CDH13: variants seen among roughly 807,000 people sequenced by gnomAD.
CDH13 encodes cadherin-13.
Under a neutral mutation model 63.8 loss-of-function variants are expected in CDH13, and 24 were observed. The ratio of observed to expected loss-of-function variants is 0.38; its 90% CI spans 0.27 to 0.53. The LOEUF (loss-of-function observed/expected upper bound fraction) is 0.53, where lower values mean the gene tolerates loss of function less well. Among genes scored for constraint, CDH13 ranks in the 20% least tolerant of loss-of-function variants. The pLI, the probability that CDH13 is intolerant of heterozygous loss-of-function variation, is 0.85. For missense variants in CDH13, 1,049 were observed against 903.1 expected (o/e 1.16, Z -2.07); for synonymous variants, 503 against 355.3 (o/e 1.42, Z -4.67).
At chr16:83,151,941 A>G (rs1241724135) in intron 4 of CDH13, among the ~76,000 whole-genome samples, 2 of 147,882 alleles carry the variant, frequency 1.4e-5, no homozygotes, top group African/African-American at 2.5e-5. Context: ...CAGCCTGGGC[A>G]ACAAAAAAAA....
At chr16:83,681,467 G>A (rs935876315) in intron 10 of CDH13, among the ~76,000 whole-genome samples, 1 of 152,110 alleles carries the variant, frequency 6.6e-6, no homozygotes, top group Non-Finnish European at 1.5e-5. Context: ...TCACTCCTCA[G>A]GCATATTCCT....
At chr16:82,876,324 T>C (rs573404062) in intron 2 of CDH13, among the ~76,000 whole-genome samples, 1 of 152,338 alleles carries the variant, frequency 6.6e-6, no homozygotes, top group African/African-American at 2.4e-5. Context: ...GAAACCATCA[T>C]TGAGTAGTGA....
At chr16:83,660,486 G>A (rs1165490659) in intron 8 of CDH13, among the ~76,000 whole-genome samples, 1 of 152,130 alleles carries the variant, frequency 6.6e-6, no homozygotes, top group African/African-American at 2.4e-5. Context: ...GAGCAATGGG[G>A]AGCAGCCGTA....
intron 5 of CDH13, among the ~76,000 whole-genome samples, chr16:83,257,532 T>G (rs916031584): frequency 1.3e-5 from 2 of 152,142 alleles, no homozygotes; most frequent in African/African-American, 4.8e-5. Context: ...AGGGAAAGGT[T>G]CCTCCATGAA....
At chr16:82,995,920 A>G (rs1418529507) in intron 2 of CDH13, among the ~76,000 whole-genome samples, 4 of 152,202 alleles carry the variant, frequency 2.6e-5, no homozygotes, top group African/African-American at 7.2e-5. Context: ...CACAGTGGCA[A>G]GAGGAAGGTC....
At chr16:83,058,763 G>A (rs1405422755) in intron 3 of CDH13, among the ~76,000 whole-genome samples, 1 of 152,164 alleles carries the variant, frequency 6.6e-6, no homozygotes, top group Non-Finnish European at 1.5e-5. Flanking sequence ...ATCTGGGATG[G>A]TCTTAAAAAC....
intron 10 of CDH13, among the ~76,000 whole-genome samples, chr16:83,687,852 T>C (rs932280283): frequency 2.6e-5 from 4 of 152,230 alleles, no homozygotes; most frequent in Admixed American, 2.0e-4. Flanking sequence ...AAATTGAGCC[T>C]ATTCTTTGAA....
intron 5 of CDH13, among the ~76,000 whole-genome samples, chr16:83,300,325 T>C (rs180798966): frequency 5.9e-4 from 90 of 152,362 alleles, no homozygotes; most frequent in African/African-American, 2.1e-3. Context: ...AAGAGATAGG[T>C]CAAAATATTT....
chr16:83,578,813 G>T (rs75459284), intron 7 of CDH13, among the ~76,000 whole-genome samples: 2 of 152,082 alleles, frequency 1.3e-5, no homozygotes, highest in Non-Finnish European at 2.9e-5. Context: ...TCCACTATTC[G>T]GTGTCCTATG....
intron 5 of CDH13, among the ~76,000 whole-genome samples, chr16:83,219,187 A>T (rs1417322367): frequency 1.3e-5 from 2 of 152,214 alleles, no homozygotes; most frequent in Non-Finnish European, 2.9e-5. Flanking sequence ...ATTCTTGTCC[A>T]TAAAGTATGA....
intron 1 of CDH13, among the ~76,000 whole-genome samples, chr16:82,854,453 A>G (rs904939297): frequency 6.6e-6 from 1 of 152,048 alleles, no homozygotes; most frequent in Admixed American, 6.6e-5. Context: ...AGCAGTAACT[A>G]GAACATTCTA....
intron 4 of CDH13, chr16:83,180,753 T>C (rs1182783075): frequency 8.5e-6 from 6 of 709,426 alleles, no homozygotes; most frequent in African/African-American, 7.2e-5. Context: ...TCACTCTAGG[T>C]AATGTTCTTT....
chr16:82,869,643 C>T (rs1247619153), intron 2 of CDH13, among the ~76,000 whole-genome samples: 1 of 152,026 alleles, frequency 6.6e-6, no homozygotes, highest in Non-Finnish European at 1.5e-5. Flanking sequence ...GATGCATAGA[C>T]CAATGGGACA....
intron 5 of CDH13, among the ~76,000 whole-genome samples, chr16:83,274,199 C>G (rs2088913326): frequency 6.6e-6 from 1 of 152,196 alleles, no homozygotes; most frequent in Non-Finnish European, 1.5e-5. Flanking sequence ...GACAACCATT[C>G]TGCTGGGTGG....
At chr16:83,240,081 C>T (rs1328405700) in intron 5 of CDH13, among the ~76,000 whole-genome samples, 3 of 152,132 alleles carry the variant, frequency 2.0e-5, no homozygotes, top group Non-Finnish European at 4.4e-5. Flanking sequence ...TGTTGCAAAT[C>T]GTAGGGCCCC....
intron 2 of CDH13, among the ~76,000 whole-genome samples, chr16:82,941,170 ACATT>A (rs1904282236): frequency 6.6e-6 from 1 of 152,244 alleles, no homozygotes; most frequent in Non-Finnish European, 1.5e-5. Flanking sequence ...CCGTTCATCC[ACATT>A]CATTTATTTA....
intron 10 of CDH13, among the ~76,000 whole-genome samples, chr16:83,701,027 G>T (rs1906140636): frequency 6.6e-6 from 1 of 152,198 alleles, no homozygotes; most frequent in African/African-American, 2.4e-5. Flanking sequence ...CTCTGAGGAT[G>T]TATGGCCCTG....
intron 3 of CDH13, among the ~76,000 whole-genome samples, chr16:83,100,850 C>CA (rs2034441040): frequency 6.6e-6 from 1 of 152,170 alleles, no homozygotes; most frequent in African/African-American, 2.4e-5. Flanking sequence ...CCACTTCCTG[C>CA]AGGGACTTTT....
intron 5 of CDH13, among the ~76,000 whole-genome samples, chr16:83,260,147 C>G (rs912293346): frequency 2.7e-5 from 4 of 150,208 alleles, no homozygotes; most frequent in Non-Finnish European, 5.9e-5. Flanking sequence ...CACACACGCT[C>G]TCTCAAAACA....
Sources: gnomAD v4.1 joint callset for allele counts (sites outside exome capture counted in the v4.1 genomes callset) on GRCh38, gnomAD v4.1.1 for gene constraint, MANE v1.5 for transcripts, NCBI Gene and HGNC (gene_info 2026-07-23, HGNC 2026-07-21) for gene names.